SPATA13: variants seen among roughly 807,000 people sequenced by gnomAD.
SPATA13 encodes the protein spermatogenesis-associated protein 13.
A neutral mutation model predicts 104.0 loss-of-function variants in SPATA13; 50 were observed. The ratio of observed to expected loss-of-function variants is 0.48; its 90% confidence interval spans 0.38 to 0.61. SPATA13 has a LOEUF of 0.61. Ranked by LOEUF, SPATA13 falls within the 20% of genes least tolerant of loss-of-function variation. The probability of loss-of-function intolerance (pLI) is 0.00; values close to 1 mark genes in which losing one functional copy is unlikely to be tolerated. For synonymous variants in SPATA13, 606 were observed against 667.5 expected, an observed-to-expected ratio of 0.91 and a Z score of 1.42; for missense variants, 1,524 against 1,690.6, an observed-to-expected ratio of 0.90 and a Z score of 1.73.
chr13:23,987,077 G>GTGTGCCCAGAGTAGCC (rs71186804), intron 2 of SPATA13, among the ~76,000 whole-genome samples: 62,617 of 149,428 alleles, frequency 0.42, 13,516 homozygotes, highest in Admixed American at 0.49. Context: ...CCCATAGGCA[G>GTGTGCCCAGAGTAGCC]TGGATTGATA....
chr13:23,993,237 C>G (rs1213546315), intron 2 of SPATA13, among the ~76,000 whole-genome samples: 1 of 152,268 alleles, frequency 6.6e-6, no homozygotes, highest in African/African-American at 2.4e-5. Flanking sequence ...ATCACAGCTG[C>G]TGCCTCAGAG....
chr13:24,081,673 C>T (rs1879525590), intron 3 of SPATA13, among the ~76,000 whole-genome samples: 1 of 151,714 alleles, frequency 6.6e-6, no homozygotes, highest in African/African-American at 2.4e-5. Context: ...GACTCTCTGT[C>T]TCTTAAAAAA....
chr13:24,177,622 G>C (rs977724271), intron 1 of SPATA13, among the ~76,000 whole-genome samples: 2 of 151,986 alleles, frequency 1.3e-5, no homozygotes, highest in African/African-American at 4.8e-5. Flanking sequence ...ACCATGCCTA[G>C]CTAATTTTTT....
At chr13:24,281,497 G>A (rs1875515454) in intron 4 of SPATA13, among the ~76,000 whole-genome samples, 1 of 152,230 alleles carries the variant, frequency 6.6e-6, no homozygotes, top group South Asian at 2.1e-4. Context: ...ACCTGTCTGG[G>A]TGGTTTCACG....
intron 3 of SPATA13, among the ~76,000 whole-genome samples, chr13:24,091,423 T>C (rs1879908453): frequency 6.6e-6 from 1 of 152,248 alleles, no homozygotes; most frequent in African/African-American, 2.4e-5. Flanking sequence ...GTTAAACAAT[T>C]GCCATTAATA....
chr13:24,165,314 C>A (rs1040907841), intron 1 of SPATA13, among the ~76,000 whole-genome samples: 5 of 152,198 alleles, frequency 3.3e-5, no homozygotes, highest in Non-Finnish European at 7.3e-5. Context: ...TGAAGACCCA[C>A]CAGCATCCAT....
chr13:24,143,299 A>G (rs1193378969), intron 3 of SPATA13, among the ~76,000 whole-genome samples: 2 of 152,118 alleles, frequency 1.3e-5, no homozygotes, highest in African/African-American at 2.4e-5. Flanking sequence ...TATGGGAGGG[A>G]ACCTACGTTG....
At chr13:24,179,580 C>T (rs1338970045) in intron 1 of SPATA13, among the ~76,000 whole-genome samples, 2 of 119,844 alleles carry the variant, frequency 1.7e-5, no homozygotes, top group African/African-American at 5.5e-5. Flanking sequence ...AAAACTGAAA[C>T]TCTGTACAGA....
intron 1 of SPATA13, among the ~76,000 whole-genome samples, chr13:24,171,812 A>G (rs935939777): frequency 6.6e-6 from 1 of 152,258 alleles, no homozygotes; most frequent in South Asian, 2.1e-4. Context: ...GGGAAAGTCA[A>G]CATCTGACAC....
chr13:24,234,684 C>A (rs911983957), intron 2 of SPATA13, among the ~76,000 whole-genome samples: 6 of 152,166 alleles, frequency 3.9e-5, no homozygotes, highest in African/African-American at 1.4e-4. Flanking sequence ...TGCTCTGGGG[C>A]AGACTTCAGG....
At chr13:24,215,323 G>T (rs1042226664) in intron 1 of SPATA13, among the ~76,000 whole-genome samples, 2 of 152,176 alleles carry the variant, frequency 1.3e-5, no homozygotes, top group African/African-American at 2.4e-5. Flanking sequence ...GAAGCAGAAG[G>T]CATTTCAGCA....
intron 1 of SPATA13, among the ~76,000 whole-genome samples, chr13:24,167,346 C>T (rs1882782511): frequency 6.6e-6 from 1 of 152,168 alleles, no homozygotes; most frequent in African/African-American, 2.4e-5. Context: ...TCGTGGTCCT[C>T]TCCTTTGGTC....
intron 1 of SPATA13, among the ~76,000 whole-genome samples, chr13:24,212,020 T>C (rs528320117): frequency 3.3e-5 from 5 of 152,224 alleles, no homozygotes; most frequent in African/African-American, 1.2e-4. Context: ...ATTCCCCTAC[T>C]AGTGTGTCTA....
At chr13:24,184,626 C>G (rs1869030339) in intron 1 of SPATA13, among the ~76,000 whole-genome samples, 1 of 152,134 alleles carries the variant, frequency 6.6e-6, no homozygotes, top group African/African-American at 2.4e-5. Flanking sequence ...TGGGCAACAG[C>G]ATGAACTCAC....
In SPATA13 at chr13:24,190,318, A is replaced by T. The variant is rs1289151016; in HGVS notation, c.-112+29386A>T. 3.0e-3 allele frequency among the ~76,000 whole-genome samples: 26 copies of T among 8,708 alleles called. 7 individuals carry two copies. The highest frequency in any genetic ancestry group is 3.4e-3 in the African/African-American group (26 of 7,672). 5.7% of individuals were successfully genotyped at this position (8,708 alleles called of 152,430 possible). A position where few individuals can be genotyped will look rare whatever the true frequency, so the allele number is the denominator to read the frequency against. On this transcript the variant is annotated intron_variant, in intron 1 of 12. Coordinates refer to ENST00000382108, the MANE Select transcript of SPATA13 (RefSeq NM_001166271.3). ...TTATATATTATTATATATAATATAT[A>T]ATATTATATATTATTATATATAATA...
At chr13:24,023,228 A>G (rs1464224540) in intron 3 of SPATA13, among the ~76,000 whole-genome samples, 1 of 151,892 alleles carries the variant, frequency 6.6e-6, no homozygotes, top group East Asian at 1.9e-4. Context: ...ATGATTTCCA[A>G]CTTCATCCAT....
intron 4 of SPATA13, among the ~76,000 whole-genome samples, chr13:24,259,954 A>T (rs1295522371): frequency 6.6e-6 from 1 of 152,068 alleles, no homozygotes; most frequent in African/African-American, 2.4e-5. Context: ...TTGGATTTTA[A>T]ATGTGCTTTT....
At chr13:24,128,373 T>A (rs1433772439) in intron 3 of SPATA13, among the ~76,000 whole-genome samples, 1 of 152,216 alleles carries the variant, frequency 6.6e-6, no homozygotes, top group Non-Finnish European at 1.5e-5. Flanking sequence ...TTTCAAGATG[T>A]TCTAATGCAT....
intron 1 of SPATA13, among the ~76,000 whole-genome samples, chr13:24,177,818 G>T (rs1193797567): frequency 6.6e-6 from 1 of 151,978 alleles, no homozygotes; most frequent in Non-Finnish European, 1.5e-5. Flanking sequence ...CCTTCTAAAG[G>T]CCCTATCTTT....
Sources: gnomAD v4.1 joint callset for allele counts (sites outside exome capture counted in the v4.1 genomes callset) on GRCh38, gnomAD v4.1.1 for gene constraint, MANE v1.5 for transcripts, NCBI Gene and HGNC (gene_info 2026-07-23, HGNC 2026-07-21) for gene names.